The following EVL variants were observed in gnomAD, a reference collection of about 807,000 sequenced individuals.
EVL encodes the protein ena/VASP-like protein.
EVL carries 21 observed loss-of-function variants against 59.6 expected under a neutral mutation model. The observed-to-expected ratio is 0.35, with a 90% CI of 0.25 to 0.51. The LOEUF is 0.51. Ranked by LOEUF, EVL falls within the 20% of genes least tolerant of loss-of-function variation. The pLI, the probability that EVL is intolerant of heterozygous loss-of-function variation, is 0.97. For missense variants in EVL, 462 were observed against 546.6 expected (o/e 0.85, Z 1.54); for synonymous variants, 198 against 203.5 (o/e 0.97, Z 0.23).
chr14:100,129,528 A>G (rs1460531352), intron 6 of EVL, 35 bp from the exon 7 acceptor site: 1 of 1,611,768 alleles, frequency 6.2e-7, no homozygotes, highest in Non-Finnish European at 8.5e-7. Flanking sequence ...TGCCATCAGC[A>G]GCAGAATCTA....
intron 1 of EVL, among the ~76,000 whole-genome samples, chr14:100,074,268 G>T (rs2062113999): frequency 6.6e-6 from 1 of 152,178 alleles, no homozygotes; most frequent in Non-Finnish European, 1.5e-5. Flanking sequence ...AGTAGTAGGT[G>T]ATAATGACAG....
At chr14:100,024,246 G>C (rs1862717760) in intron 1 of EVL, among the ~76,000 whole-genome samples, 1 of 152,252 alleles carries the variant, frequency 6.6e-6, no homozygotes, top group East Asian at 1.9e-4. Flanking sequence ...AAATGTGATG[G>C]TTTTTCTTGC....
At chr14:100,010,448 C>G (rs2140192217) in intron 1 of EVL, among the ~76,000 whole-genome samples, 1 of 152,216 alleles carries the variant, frequency 6.6e-6, no homozygotes, top group South Asian at 2.1e-4. Context: ...TCTTGTTGCC[C>G]AGGCAACAAG....
At chr14:99,994,397 CAT>C (rs1173040687) in intron 1 of EVL, among the ~76,000 whole-genome samples, 1 of 151,478 alleles carries the variant, frequency 6.6e-6, no homozygotes, top group Non-Finnish European at 1.5e-5. Context: ...TTTGTAGTGA[CAT>C]ATTTTGATTC....
At chr14:100,085,136 A>G (rs1435681582) in intron 2 of EVL, 21 of 285,534 alleles carry the variant, frequency 7.4e-5, no homozygotes. Context: ...TAAATAATAG[A>G]TGTGGGAAAG....
At chr14:100,083,677 T>TA (rs1382021556) in intron 1 of EVL, among the ~76,000 whole-genome samples, 2 of 152,238 alleles carry the variant, frequency 1.3e-5, no homozygotes, top group Non-Finnish European at 2.9e-5. Flanking sequence ...GAGGTTGCTT[T>TA]ACTACGTAAA....
At chr14:100,056,648 A>G (rs2061738090) in intron 1 of EVL, among the ~76,000 whole-genome samples, 1 of 152,202 alleles carries the variant, frequency 6.6e-6, no homozygotes, top group Non-Finnish European at 1.5e-5. Context: ...TGGCTAGCAC[A>G]TGTGGTCTAC....
intron 1 of EVL, among the ~76,000 whole-genome samples, chr14:100,015,477 G>A (rs1182401265): frequency 6.6e-6 from 1 of 152,164 alleles, no homozygotes; most frequent in East Asian, 1.9e-4. Context: ...TTCTACCATG[G>A]TAGTACCGCT....
At chr14:100,094,007 T>C (rs984937219) in intron 2 of EVL, among the ~76,000 whole-genome samples, 3 of 152,224 alleles carry the variant, frequency 2.0e-5, no homozygotes, top group Admixed American at 1.3e-4. Flanking sequence ...ATCATAGGTA[T>C]GTATGTATAG....
At chr14:100,066,774 C>T (rs2061938583) in intron 1 of EVL, among the ~76,000 whole-genome samples, 1 of 152,162 alleles carries the variant, frequency 6.6e-6, no homozygotes, top group African/African-American at 2.4e-5. Flanking sequence ...ACAGCAATTT[C>T]TTTTTCAATT....
intron 3 of EVL, chr14:100,107,623 A>T: frequency 4.6e-6 from 1 of 217,838 alleles, no homozygotes; most frequent in Non-Finnish European, 8.9e-6. Context: ...CATGGAAAGC[A>T]GTGCTGGTGA....
chr14:100,110,455 C>T (rs1392029302), intron 3 of EVL, among the ~76,000 whole-genome samples: 1 of 152,002 alleles, frequency 6.6e-6, no homozygotes, highest in Non-Finnish European at 1.5e-5. Flanking sequence ...AGAGGGAAGC[C>T]AGGCTTCTTG....
intron 2 of EVL, among the ~76,000 whole-genome samples, chr14:100,093,434 C>G (rs973405477): frequency 1.3e-5 from 2 of 152,078 alleles, no homozygotes; most frequent in Non-Finnish European, 2.9e-5. Flanking sequence ...AACCCTCTGA[C>G]GTAAAACCCT....
At chr14:100,031,007 G>T (rs745641740) in intron 1 of EVL, among the ~76,000 whole-genome samples, 15 of 152,072 alleles carry the variant, frequency 9.9e-5, no homozygotes, top group Non-Finnish European at 1.6e-4. Flanking sequence ...AGGGAAGAGT[G>T]AATTACAAGT....
chr14:100,070,250 G>C (rs528581934), intron 1 of EVL, among the ~76,000 whole-genome samples: 1 of 152,078 alleles, frequency 6.6e-6, no homozygotes, highest in Non-Finnish European at 1.5e-5. Flanking sequence ...CCTGGTGACA[G>C]AGCAAGACCC....
intron 3 of EVL, among the ~76,000 whole-genome samples, chr14:100,122,186 AG>A (rs1401360922): frequency 1.3e-5 from 2 of 152,240 alleles, no homozygotes; most frequent in Non-Finnish European, 2.9e-5. Flanking sequence ...ACACCATCCA[AG>A]GGCAGCTTAT....
chr14:100,084,054 T>C (rs552529353), intron 1 of EVL, among the ~76,000 whole-genome samples: 41 of 143,584 alleles, frequency 2.9e-4, no homozygotes, highest in Admixed American at 1.5e-3. Context: ...CTCTCTCTCT[T>C]TTTTTTTTTT....
At chr14:100,100,939 CAT>C (rs1325975977) in intron 3 of EVL, among the ~76,000 whole-genome samples, 1 of 152,210 alleles carries the variant, frequency 6.6e-6, no homozygotes, top group Non-Finnish European at 1.5e-5. Flanking sequence ...CGATTATCCT[CAT>C]GTGGTAGAGG....
chr14:100,025,358 T>C (rs1446037223), intron 1 of EVL, among the ~76,000 whole-genome samples: 4 of 152,124 alleles, frequency 2.6e-5, no homozygotes, highest in African/African-American at 4.8e-5. Flanking sequence ...GCCTCCTCCT[T>C]GAGGCCTGTG....
Sources: gnomAD v4.1 joint callset for allele counts (sites outside exome capture counted in the v4.1 genomes callset) on GRCh38, gnomAD v4.1.1 for gene constraint, MANE v1.5 for transcripts, NCBI Gene and HGNC (gene_info 2026-07-23, HGNC 2026-07-21) for gene names.